Variants in DCHS2 observed in about 807,000 individuals in gnomAD.
DCHS2 encodes dachsous cadherin-related 2.
DCHS2 carries 142 observed loss-of-function variants against 182.4 expected under a neutral mutation model. The ratio of observed to expected loss-of-function variants is 0.78; its 90% CI spans 0.68 to 0.89. The LOEUF (loss-of-function observed/expected upper bound fraction) is 0.89, where lower values mean the gene tolerates loss of function less well. DCHS2 is among the 40% of genes least tolerant of loss of function. The probability of loss-of-function intolerance (pLI) is 0.00; values close to 1 mark genes in which losing one functional copy is unlikely to be tolerated. For synonymous variants in DCHS2, 1,740 were observed against 1,663.3 expected (o/e 1.05, Z -1.12); for missense variants, 4,319 against 4,198.6 (o/e 1.03, Z -0.79).
intron 1 of DCHS2, among the ~76,000 whole-genome samples, chr4:154,386,337 C>T (rs1486842781): frequency 6.6e-6 from 1 of 152,144 alleles, no homozygotes; most frequent in Non-Finnish European, 1.5e-5. Flanking sequence ...TTGTTCCCAC[C>T]TTAGGGCCTT....
At position 154,235,476 on chromosome 4, in the gene DCHS2, C is replaced by T. The variant is rs750536754; in HGVS notation, c.9176G>A (p.Ser3059Asn). The T allele has an allele frequency of 1.2e-6, 2 of 1,614,024 alleles. No individual in the cohort carries two copies. The highest frequency in any genetic ancestry group is 8.5e-7 in the Non-Finnish European group (1 of 1,179,940). Residue 3059 changes from serine (S) to asparagine (N), a missense_variant, in exon 20 of 20, where the codon AGT becomes AAT. Coordinates refer to ENST00000357232, the MANE Select transcript of DCHS2 (RefSeq NM_001358235.2). ...GGCATCCACAGGGACCACCTCGTTA[C>T]TGCAGTCGTCAGTTTTCTGGAAGGC... ...LKAFQKTDDC[S>N]NEVVPVDATP...
chr4:154,331,784 G>A (rs1736541045), intron 5 of DCHS2: 1 of 1,481,644 alleles, frequency 6.7e-7, no homozygotes, highest in South Asian at 1.4e-5. Context: ...CGAGCTATCT[G>A]AGTTTCAGTT....
Position 154,270,493 on chromosome 4 carries a change from G to A in DCHS2, c.6464-480C>T, listed in dbSNP as rs531022043. ...CTAGGAAAGGGCTTGGTTGGGTAAA[G>A]CACAATGAGTAGGGGAAGAAGAAGA... On this transcript the variant is annotated intron_variant, in intron 13 of 19. Transcript: ENST00000357232. Among the ~76,000 whole-genome samples, 6 of 151,904 alleles carry A rather than the reference G, an allele frequency of 3.9e-5. No homozygotes were observed. In the South Asian group the frequency reaches 6.2e-4, roughly 16 times the overall value.
At chr4:154,408,721 CAGACACAA>C (rs1336338327) in intron 1 of DCHS2, among the ~76,000 whole-genome samples, 8 of 152,166 alleles carry the variant, frequency 5.3e-5, no homozygotes, top group Admixed American at 2.0e-4. Context: ...TAACCTACGA[CAGACACAA>C]AGAAAAGAGA....
At chr4:154,257,053 T>C (rs1230065701) in intron 15 of DCHS2, among the ~76,000 whole-genome samples, 1 of 151,982 alleles carries the variant, frequency 6.6e-6, no homozygotes, top group Non-Finnish European at 1.5e-5. Context: ...ATCAAGACCA[T>C]CCTGGCCAAC....
intron 1 of DCHS2, among the ~76,000 whole-genome samples, chr4:154,378,698 C>T (rs1327559490): frequency 6.6e-6 from 1 of 152,140 alleles, no homozygotes; most frequent in Non-Finnish European, 1.5e-5. Context: ...ATGTAACGGG[C>T]CAAAGGTCAC....
intron 3 of DCHS2, among the ~76,000 whole-genome samples, chr4:154,365,140 T>C (rs1348141487): frequency 6.6e-6 from 1 of 152,146 alleles, no homozygotes; most frequent in Admixed American, 6.5e-5. Context: ...TTGGCAGATA[T>C]GCAATTACCA....
At chr4:154,402,824 C>T (rs1003018374) in intron 1 of DCHS2, among the ~76,000 whole-genome samples, 1 of 152,078 alleles carries the variant, frequency 6.6e-6, no homozygotes, top group African/African-American at 2.4e-5. Context: ...ACATTATATA[C>T]CTCTCCATTT....
At chr4:154,296,262 T>G (rs1194582844) in intron 13 of DCHS2, among the ~76,000 whole-genome samples, 2 of 152,158 alleles carry the variant, frequency 1.3e-5, no homozygotes, top group Non-Finnish European at 2.9e-5. Context: ...ACCAAGTGGT[T>G]TATCCTTAAC....
intron 3 of DCHS2, among the ~76,000 whole-genome samples, chr4:154,363,258 C>A (rs960880623): frequency 2.0e-5 from 3 of 152,096 alleles, no homozygotes; most frequent in South Asian, 2.1e-4. Context: ...GATATATTTA[C>A]ACTAGTATGT....
intron 1 of DCHS2, among the ~76,000 whole-genome samples, chr4:154,475,082 C>T (rs1021445332): frequency 6.6e-6 from 1 of 152,112 alleles, no homozygotes; most frequent in Non-Finnish European, 1.5e-5. Flanking sequence ...TTTAAAATCA[C>T]TATTACCTTA....
At position 154,490,451 on chromosome 4, in the gene DCHS2, C is replaced by A; in HGVS notation, c.905G>T (p.Arg302Leu). 1 of 1,535,524 alleles carries A rather than the reference C, an allele frequency of 6.5e-7. No homozygotes were observed. Residue 302 changes from arginine (R) to leucine (L), a missense_variant, in exon 1 of 20, where the codon CGC becomes CTC. By Grantham distance (102) the Arg-to-Leu change is moderately radical (BLOSUM62 -2). Transcript: ENST00000357232. ...CTGGGCGTCCTCGCGCACCGCGGCG[C>A]GGTACTCGTCCTGCTCAAAGACCGG... ...NPPVFEQDEY[R>L]AAVREDAQPG...
intron 1 of DCHS2, among the ~76,000 whole-genome samples, chr4:154,405,485 T>A (rs1282683016): frequency 1.3e-5 from 2 of 151,456 alleles, no homozygotes; most frequent in African/African-American, 4.8e-5. Context: ...CATTGCTCCA[T>A]TCACTCTCTT....
chr4:154,378,782 A>G (rs1386274438), intron 1 of DCHS2, among the ~76,000 whole-genome samples: 1 of 152,144 alleles, frequency 6.6e-6, no homozygotes, highest in East Asian at 1.9e-4. Context: ...AATGACCATG[A>G]TCTATGTGCT....
Position 154,320,623 on chromosome 4 carries a change from C to T in DCHS2, c.4776G>A (p.Gln1592=), listed in dbSNP as rs772912052. Residue 1592 remains glutamine (Q), a synonymous_variant, in exon 9 of 20, where the codon CAG becomes CAA. Coordinates refer to ENST00000357232, the MANE Select transcript of DCHS2 (RefSeq NM_001358235.2). ...TVILTVTASD[Q]AVNVTDRRLR... ...GTCGCCGGTCTGTCACATTCACAGC[C>T]TGATCAGATGCTGTTACTGTCAGGA... is the stretch of plus-strand genomic sequence containing the variant. The T allele has an allele frequency of 6.2e-7, 1 of 1,614,124 alleles. No homozygotes were observed. Among genetic ancestry groups the T allele is most frequent in the Non-Finnish European group, 8.5e-7 (1 of 1,180,008 alleles).
rs1020935552 is a variant in DCHS2 at position 154,233,177 on chromosome 4, C to T, written c.*1359G>A. The stretch of plus-strand genomic sequence containing the variant: ...CACATTAGAATTCCTAAACTGTTAG[C>T]CTAACACCTGGCCCTCATGCTGACC... On this transcript the variant is annotated 3_prime_UTR_variant, in exon 20 of 20. Coordinates refer to ENST00000357232, the MANE Select transcript of DCHS2 (RefSeq NM_001358235.2). 1 of 152,144 alleles carries T rather than the reference C, an allele frequency of 6.6e-6. No homozygotes were observed. The highest frequency in any genetic ancestry group is 1.5e-5 in the Non-Finnish European group (1 of 68,026). The allele number at this position is 152,144 out of a possible 1,614,324, so 9.4% of individuals were successfully genotyped here.
Position 154,240,674 on chromosome 4 carries a change from A to G in DCHS2, c.7222T>C (p.Leu2408=), listed in dbSNP as rs1578842408. The part of the protein sequence containing the change: ...NTGVVVLVKT[L]DFEEMTEYEL... ...TATTCAGTCATTTCTTCAAAATCCA[A>G]TGTTTTCACCAACACCACCACTCCA... Residue 2408 remains leucine (L), a synonymous_variant, in exon 18 of 20, where the codon TTG becomes CTG. Coordinates refer to ENST00000357232, the MANE Select transcript of DCHS2 (RefSeq NM_001358235.2). 3 of 1,613,828 alleles carry G rather than the reference A, an allele frequency of 1.9e-6. No homozygotes were observed. The highest frequency in any genetic ancestry group is 1.7e-5 in the Admixed American group (1 of 59,972).
rs769362367 is a variant in DCHS2, at chr4:154,305,141, G to T, written c.5351C>A (p.Thr1784Asn). The T allele has an allele frequency of 6.2e-7, 1 of 1,612,680 alleles. No homozygotes were observed. The highest frequency in any genetic ancestry group is 8.5e-7 in the Non-Finnish European group (1 of 1,179,490). Residue 1784 changes from threonine (T) to asparagine (N), a missense_variant, in exon 11 of 20, where the codon ACC becomes AAC. Coordinates refer to ENST00000357232, the MANE Select transcript of DCHS2 (RefSeq NM_001358235.2). ...TTGAATTTCTCTGTCAAGTATGGTG[G>T]TTGTCACTACCTCTCCAGTGTCAGA... ...INSDTGEVVT[T>N]TILDREIQEV...
Position 154,236,008 on chromosome 4 carries a change from G to C in DCHS2, c.8644C>G (p.Gln2882Glu). ...GGGAGGGTGAAAAAATACTGATCTT[G>C]AGTGAAAATGGGCTCAAATTCATCT... ...GIDEFEPIFT[Q>E]DQYFFTLPEK... Residue 2882 changes from glutamine to glutamate, a missense_variant, in exon 20 of 20, where the codon CAA (glutamine) becomes GAA (glutamate). Physicochemically the swap from Gln to Glu is conservative, Grantham distance 29 (BLOSUM62 2). Coordinates refer to ENST00000357232, the MANE Select transcript of DCHS2 (RefSeq NM_001358235.2). 1 of 1,613,942 alleles carries C rather than the reference G, an allele frequency of 6.2e-7. No individual in the cohort carries two copies. The highest frequency in any genetic ancestry group is 8.5e-7 in the Non-Finnish European group (1 of 1,179,948).
Sources: allele counts gnomAD v4.1 joint callset (sites outside exome capture counted in the v4.1 genomes callset), GRCh38; gene constraint gnomAD v4.1.1; transcripts MANE v1.5; gene names NCBI Gene and HGNC (gene_info 2026-07-23, HGNC 2026-07-21).